The following NXPH1 variants were observed in gnomAD, a reference collection of about 807,000 sequenced individuals.
The protein encoded by NXPH1 is neurexophilin-1.
In NXPH1, 5 loss-of-function variants were observed where a neutral mutation model predicts 23.7. That is an observed-to-expected ratio of 0.21 (90% confidence interval 0.11 to 0.44). The LOEUF is 0.44. Ranked by LOEUF, NXPH1 falls within the 20% of genes least tolerant of loss-of-function variation. The pLI is 0.99. For synonymous variants in NXPH1, 144 were observed against 122.2 expected, an observed-to-expected ratio of 1.18 and a Z score of -1.18; for missense variants, 324 against 321.6, an observed-to-expected ratio of 1.01 and a Z score of -0.06.
chr7:8,528,872 A>G (rs1817906813), intron 2 of NXPH1, among the ~76,000 whole-genome samples: 1 of 152,236 alleles, frequency 6.6e-6, no homozygotes, highest in Admixed American at 6.5e-5. Flanking sequence ...GTTTAAAACA[A>G]CACATATTTG....
At chr7:8,606,951 A>T (rs749636296) in intron 2 of NXPH1, among the ~76,000 whole-genome samples, 2 of 152,090 alleles carry the variant, frequency 1.3e-5, no homozygotes, top group Non-Finnish European at 2.9e-5. Flanking sequence ...AATTTTATTG[A>T]TTGCTTGATT....
intron 2 of NXPH1, among the ~76,000 whole-genome samples, chr7:8,701,003 G>C (rs754451686): frequency 2.0e-4 from 30 of 151,768 alleles, no homozygotes; most frequent in Non-Finnish European, 3.5e-4. Flanking sequence ...TGCTTTTTTG[G>C]AACACAGCCA....
At chr7:8,451,379 C>T (rs371892709) in intron 2 of NXPH1, among the ~76,000 whole-genome samples, 23 of 152,250 alleles carry the variant, frequency 1.5e-4, no homozygotes, top group Non-Finnish European at 2.2e-4. Context: ...ACCTGTCAGC[C>T]GCTTCCGAAG....
chr7:8,677,720 C>T (rs1469342402), intron 2 of NXPH1, among the ~76,000 whole-genome samples: 2 of 152,060 alleles, frequency 1.3e-5, no homozygotes, highest in Non-Finnish European at 2.9e-5. Flanking sequence ...AATGCAAATG[C>T]ATTTAGTTTA....
At chr7:8,657,867 A>C (rs1469929093) in intron 2 of NXPH1, among the ~76,000 whole-genome samples, 1 of 152,176 alleles carries the variant, frequency 6.6e-6, no homozygotes, top group Admixed American at 6.5e-5. Flanking sequence ...GTCTCTATTA[A>C]AAATGCAAAA....
chr7:8,508,991 G>A (rs4236409), intron 2 of NXPH1, among the ~76,000 whole-genome samples: 44,259 of 151,854 alleles, frequency 0.29, 6,667 homozygotes, highest in Middle Eastern at 0.32. Context: ...AGCGATATTC[G>A]TAAAAACAAC....
At chr7:8,572,415 A>G (rs1818666315) in intron 2 of NXPH1, among the ~76,000 whole-genome samples, 1 of 151,974 alleles carries the variant, frequency 6.6e-6, no homozygotes, top group Admixed American at 6.6e-5. Context: ...TTATGCCATG[A>G]TTTTTCTTCC....
intron 2 of NXPH1, among the ~76,000 whole-genome samples, chr7:8,748,003 A>G (rs1460845105): frequency 2.6e-5 from 4 of 152,230 alleles, no homozygotes; most frequent in Non-Finnish European, 5.9e-5. Flanking sequence ...TGTGAGAGTA[A>G]ATATTTTTCC....
intron 2 of NXPH1, among the ~76,000 whole-genome samples, chr7:8,669,672 C>G (rs10238412): frequency 0.063 from 9,613 of 152,086 alleles, 672 homozygotes; most frequent in East Asian, 0.25. Flanking sequence ...CTGTGTTTTA[C>G]TGGAGTGAGC....
At chr7:8,673,773 G>A (rs1820907479) in intron 2 of NXPH1, among the ~76,000 whole-genome samples, 1 of 151,812 alleles carries the variant, frequency 6.6e-6, no homozygotes, top group Non-Finnish European at 1.5e-5. Context: ...TGCTCTTATT[G>A]CTATCATTAT....
intron 2 of NXPH1, among the ~76,000 whole-genome samples, chr7:8,595,341 A>G (rs1429631113): frequency 1.3e-5 from 2 of 152,082 alleles, no homozygotes; most frequent in Non-Finnish European, 2.9e-5. Context: ...AGTGCATTTA[A>G]AATATCATTG....
chr7:8,591,605 C>A (rs900471861), intron 2 of NXPH1, among the ~76,000 whole-genome samples: 1 of 152,006 alleles, frequency 6.6e-6, no homozygotes, highest in Admixed American at 6.6e-5. Flanking sequence ...TTTGTGTTTC[C>A]ATTCCATTAT....
chr7:8,633,549 T>C (rs1172329868), intron 2 of NXPH1, among the ~76,000 whole-genome samples: 1 of 152,236 alleles, frequency 6.6e-6, no homozygotes, highest in East Asian at 1.9e-4. Flanking sequence ...GAATACTGAA[T>C]TTCAGCCTCA....
chr7:8,492,571 G>C (rs1219400998), intron 2 of NXPH1, among the ~76,000 whole-genome samples: 6 of 152,018 alleles, frequency 3.9e-5, no homozygotes, highest in Non-Finnish European at 5.9e-5. Context: ...ACACATGATT[G>C]CTGACTTCAT....
chr7:8,574,565 AC>A (rs1381925168), intron 2 of NXPH1, among the ~76,000 whole-genome samples: 4 of 152,150 alleles, frequency 2.6e-5, no homozygotes, highest in Admixed American at 2.6e-4. Context: ...GGAAGATGGA[AC>A]CCCAGATGGA....
At position 8,442,951 on chromosome 7, in the gene NXPH1, C is replaced by G. The variant is rs1181768272; in HGVS notation, c.54+7184C>G. On this transcript the variant is annotated intron_variant, in intron 2 of 2. Coordinates refer to ENST00000405863, the MANE Select transcript of NXPH1 (RefSeq NM_152745.3). The surrounding 1 kb of genome is among the most constrained non-coding windows in gnomAD (Gnocchi z 4.6). ...ATCGCGGGCAGGCGGGCGTGGGGCA[C>G]GCCAGGGCCGGGAGAGCGACTCTTC... 6.6e-6 allele frequency among the ~76,000 whole-genome samples: 1 copy of G among 152,238 alleles called. No individual in the cohort carries two copies. Among genetic ancestry groups the G allele is most frequent in the African/African-American group, 2.4e-5 (1 of 41,466 alleles).
At chr7:8,696,547 C>T (rs769333941) in intron 2 of NXPH1, among the ~76,000 whole-genome samples, 16 of 152,130 alleles carry the variant, frequency 1.1e-4, no homozygotes, top group East Asian at 1.9e-4. Context: ...ACTTTTTAAA[C>T]GGACACCTGA....
intron 2 of NXPH1, among the ~76,000 whole-genome samples, chr7:8,447,942 C>T (rs1816433748): frequency 6.6e-6 from 1 of 152,156 alleles, no homozygotes; most frequent in South Asian, 2.1e-4. Flanking sequence ...GGCACCCAAC[C>T]AGGTGTCAAC....
intron 2 of NXPH1, among the ~76,000 whole-genome samples, chr7:8,438,851 G>T (rs546853087): frequency 1.3e-5 from 2 of 152,228 alleles, no homozygotes; most frequent in South Asian, 4.1e-4. Flanking sequence ...TGAGAGACAA[G>T]TCTGTCCTAG....
Sources: gnomAD v4.1 joint callset for allele counts (sites outside exome capture counted in the v4.1 genomes callset) on GRCh38, gnomAD v4.1.1 for gene constraint, Gnocchi (gnomAD v3.1) non-coding constraint, MANE v1.5 for transcripts, NCBI Gene and HGNC (gene_info 2026-07-23, HGNC 2026-07-21) for gene names.